Variants in PCDHGC3 observed in about 807,000 individuals in gnomAD.
PCDHGC3 encodes the protein protocadherin gamma subfamily C, 3.
A neutral mutation model predicts 59.2 loss-of-function variants in PCDHGC3; 26 were observed. The observed-to-expected ratio is 0.44, with a 90% confidence interval of 0.32 to 0.61. The LOEUF (loss-of-function observed/expected upper bound fraction) is 0.61, where lower values mean the gene tolerates loss of function less well. Among genes scored for constraint, PCDHGC3 ranks in the 20% least tolerant of loss-of-function variants. PCDHGC3 has a pLI of 0.05. For missense variants in PCDHGC3, 1,080 were observed against 1,221.8 expected, an observed-to-expected ratio of 0.88 and a Z score of 1.73; for synonymous variants, 487 against 519.7, an observed-to-expected ratio of 0.94 and a Z score of 0.86.
At chr5:141,509,117 G>A (rs1271574654) in intron 3 of PCDHGC3, among the ~76,000 whole-genome samples, 1 of 152,150 alleles carries the variant, frequency 6.6e-6, no homozygotes, top group Admixed American at 6.5e-5. Flanking sequence ...GCGCTGGTGC[G>A]TGAAGAGAAA....
At chr5:141,500,360 T>C (rs1224064939) in intron 2 of PCDHGC3, among the ~76,000 whole-genome samples, 1 of 151,664 alleles carries the variant, frequency 6.6e-6, no homozygotes, top group Non-Finnish European at 1.5e-5. Context: ...AGGCGCCCAC[T>C]ACCACGCCCG....
Position 141,487,397 on chromosome 5 carries a change from G to A in PCDHGC3, c.2431-7410G>A. 1 of 1,614,062 alleles carries A rather than the reference G, an allele frequency of 6.2e-7. No homozygotes were observed. Among genetic ancestry groups the A allele is most frequent in the Middle Eastern group, 1.6e-4 (1 of 6,062 alleles). Reference sequence around the variant, plus strand: ...TCTCACCAGATCTCGAAGGAGGGAGGGGCTTCCCCCTTCCAATGGGATCCT... The same window carrying A: ...TCTCACCAGATCTCGAAGGAGGGAGAGGCTTCCCCCTTCCAATGGGATCCT... On this transcript the variant is annotated intron_variant, in intron 1 of 3. Coordinates refer to ENST00000308177, the MANE Select transcript of PCDHGC3 (RefSeq NM_002588.4). This position sits in a 1 kb window ranked among gnomAD's most constrained non-coding sequence, Gnocchi z 5.0.
At chr5:141,482,790 G>A (rs2099572686) in intron 1 of PCDHGC3, among the ~76,000 whole-genome samples, 1 of 128,870 alleles carries the variant, frequency 7.8e-6, no homozygotes, top group African/African-American at 3.5e-5. Context: ...CTGTGTGTGT[G>A]GCCGGGTACG....
Position 141,490,710 on chromosome 5 carries a change from C to G in PCDHGC3, c.2431-4097C>G, listed in dbSNP as rs1158575765. On this transcript the variant is annotated intron_variant, in intron 1 of 3. Coordinates refer to ENST00000308177, the MANE Select transcript of PCDHGC3 (RefSeq NM_002588.4). The surrounding 1 kb of genome is among the most constrained non-coding windows in gnomAD (Gnocchi z 5.4). ...ACACTGGGGATAATGCCCGCCTCAC[C>G]TACTCCATTGTAGGAAATCAGGTTC... 6.2e-7 allele frequency: 1 copy of G among 1,614,208 alleles called. No homozygotes were observed. The highest frequency in any genetic ancestry group is 8.5e-7 in the Non-Finnish European group (1 of 1,180,030).
rs1330659052 is a variant in PCDHGC3, at chr5:141,490,012, G to T, written c.2431-4795G>T. On this transcript the variant is annotated intron_variant, in intron 1 of 3. Transcript: ENST00000308177. The surrounding 1 kb of genome is among the most constrained non-coding windows in gnomAD (Gnocchi z 5.4). ...GGGAATCCCAGAGAATGCACCCATT[G>T]GTACTCTGCTGCTCCGCCTCAATGC... The T allele has an allele frequency of 1.2e-6, 2 of 1,614,232 alleles. No homozygotes were observed. Among genetic ancestry groups the T allele is most frequent in the East Asian group, 4.5e-5 (2 of 44,888 alleles).
At chr5:141,510,887 G>C (rs2099883217) in intron 3 of PCDHGC3, 60 bp from the exon 4 acceptor site, 2 of 1,612,600 alleles carry the variant, frequency 1.2e-6, no homozygotes, top group East Asian at 4.5e-5. Context: ...GGGGATATAA[G>C]ACAGTGACTG....
chr5:141,478,308 T>A lies in PCDHGC3; in HGVS notation c.2192T>A (p.Val731Glu). Residue 731 changes from valine to glutamate, a missense_variant, in exon 1 of 4, where the codon GTG (valine) becomes GAG (glutamate). Transcript: ENST00000308177. ...TCTAGAGACCTATACCGAGCCCCGG[T>A]GAGCTCACTGTACCGAACACCAGGG... ...KQSRDLYRAP[V>E]SSLYRTPGPS... 6.2e-7 allele frequency: 1 copy of A among 1,614,050 alleles called. No individual in the cohort carries two copies. Among genetic ancestry groups the A allele is most frequent in the Non-Finnish European group, 8.5e-7 (1 of 1,180,022 alleles).
chr5:141,476,743 T>A lies in PCDHGC3; in HGVS notation c.627T>A (p.Ser209Arg). Residue 209 changes from serine to arginine, a missense_variant, in exon 1 of 4, where the codon AGT (serine) becomes AGA (arginine). Ser to Arg is a moderately radical substitution (Grantham distance 110, BLOSUM62 -1). Coordinates refer to ENST00000308177, the MANE Select transcript of PCDHGC3 (RefSeq NM_002588.4). The surrounding 1 kb of genome is among the most constrained non-coding windows in gnomAD (Gnocchi z 7.6). Reference protein sequence around the residue: ...ERALDREREPSLQLVLTALDG... With the variant: ...ERALDREREPRLQLVLTALDG... ...CCCTGGACCGAGAACGGGAGCCTAG[T>A]CTCCAGTTAGTGCTGACGGCGTTGG... is the stretch of plus-strand genomic sequence containing the variant. The A allele has an allele frequency of 6.2e-7, 1 of 1,613,932 alleles. No individual in the cohort carries two copies. The highest frequency in any genetic ancestry group is 1.1e-5 in the South Asian group (1 of 91,064).
chr5:141,501,025 C>T (rs999221755), intron 2 of PCDHGC3, among the ~76,000 whole-genome samples: 94 of 152,100 alleles, frequency 6.2e-4, no homozygotes, highest in East Asian at 1.9e-3. Flanking sequence ...CGCGCCACCA[C>T]GCCCAGCTAA....
intron 2 of PCDHGC3, among the ~76,000 whole-genome samples, chr5:141,503,638 T>C (rs1467962880): frequency 1.3e-5 from 2 of 151,908 alleles, no homozygotes; most frequent in Non-Finnish European, 2.9e-5. Flanking sequence ...AAATAATTAT[T>C]GAATCAATGG....
Sources: gnomAD v4.1 joint callset for allele counts (sites outside exome capture counted in the v4.1 genomes callset) on GRCh38, gnomAD v4.1.1 for gene constraint, Gnocchi (gnomAD v3.1) non-coding constraint, MANE v1.5 for transcripts, NCBI Gene and HGNC (gene_info 2026-07-23, HGNC 2026-07-21) for gene names.